LRRC38: variants seen among roughly 807,000 people sequenced by gnomAD.
The protein encoded by LRRC38 is leucine rich repeat containing 38.
In LRRC38, 5 loss-of-function variants were observed where a neutral mutation model predicts 16.4. The observed-to-expected ratio is 0.31, with a 90% CI of 0.16 to 0.64. LRRC38 has a LOEUF of 0.64. LRRC38 is among the 30% of genes least tolerant of loss of function. LRRC38 has a pLI of 0.80. For synonymous variants in LRRC38, 191 were observed against 190.2 expected, an observed-to-expected ratio of 1.00 and a Z score of -0.04; for missense variants, 341 against 401.8, an observed-to-expected ratio of 0.85 and a Z score of 1.29.
At chr1:13,485,575 AAAG>A (rs756747436) in intron 1 of LRRC38, among the ~76,000 whole-genome samples, 122 of 152,192 alleles carry the variant, frequency 8.0e-4, no homozygotes, top group South Asian at 1.9e-3. Context: ...CAAAAAAAAA[AAAG>A]AAGAAGAAGA....
chr1:13,485,277 T>TAA lies in LRRC38; in HGVS notation c.632-9180_632-9179dup, dbSNP rs3060199. ...AGGCAACAAGAGCAAAACCCCACCT[T>TAA]AAAAAAAAAAAAAAAAACGGCCAGG... is the stretch of plus-strand genomic sequence containing the variant. On this transcript the variant is annotated intron_variant, in intron 1 of 1. Coordinates refer to ENST00000376085, the MANE Select transcript of LRRC38 (RefSeq NM_001010847.2). Among the ~76,000 whole-genome samples, 548 of 97,820 alleles carry TAA rather than the reference T, an allele frequency of 5.6e-3. 17 individuals are homozygous for TAA. The highest frequency in any genetic ancestry group is 0.018 in the African/African-American group (463 of 26,242). 64.2% of individuals were successfully genotyped at this position (97,820 alleles called of 152,430 possible).
chr1:13,511,786 G>A (rs987726029), intron 1 of LRRC38, among the ~76,000 whole-genome samples: 1 of 152,062 alleles, frequency 6.6e-6, no homozygotes, highest in African/African-American at 2.4e-5. Flanking sequence ...GATCGTTTTA[G>A]GAATTTCAGC....
At chr1:13,505,341 C>T (rs1347828693) in intron 1 of LRRC38, among the ~76,000 whole-genome samples, 1 of 152,242 alleles carries the variant, frequency 6.6e-6, no homozygotes, top group African/African-American at 2.4e-5. Context: ...AAGATCACAA[C>T]AACCCAACCT....
chr1:13,486,403 T>C (rs1413139787), intron 1 of LRRC38, among the ~76,000 whole-genome samples: 1 of 152,134 alleles, frequency 6.6e-6, no homozygotes, highest in African/African-American at 2.4e-5. Flanking sequence ...GTCACATTCA[T>C]AGGTGCCAAG....
rs1639303454 is a variant in LRRC38, at chr1:13,513,597, C to T, written c.-4G>A. On this transcript the variant is annotated 5_prime_UTR_variant, in exon 1 of 2. Transcript: ENST00000376085. Reference sequence around the variant, plus strand: ...AGGCTGGGGCTCGGGGGCGCATGGCCGGGGGGCCCGCGCCGGCCGCGGCGA... The same window carrying T: ...AGGCTGGGGCTCGGGGGCGCATGGCTGGGGGGCCCGCGCCGGCCGCGGCGA... 11 of 1,116,740 alleles carry T rather than the reference C, an allele frequency of 9.9e-6. No individual in the cohort carries two copies. The East Asian group carries it at 5.2e-4, about 52-fold the overall frequency. 69.2% of individuals were successfully genotyped at this position (1,116,740 alleles called of 1,614,324 possible). A position where few individuals can be genotyped will look rare whatever the true frequency, so the allele number is the denominator to read the frequency against.
chr1:13,499,145 G>A (rs540159538), intron 1 of LRRC38, among the ~76,000 whole-genome samples: 39 of 152,224 alleles, frequency 2.6e-4, no homozygotes, highest in Admixed American at 4.6e-4. Context: ...CACCCAGGCT[G>A]GAGTACAGTG....
chr1:13,506,335 G>A (rs965932541), intron 1 of LRRC38, among the ~76,000 whole-genome samples: 16 of 152,190 alleles, frequency 1.1e-4, no homozygotes, highest in Admixed American at 2.0e-4. Flanking sequence ...GGATGCACTC[G>A]GCTGGGATCT....
intron 1 of LRRC38, among the ~76,000 whole-genome samples, chr1:13,492,703 A>G (rs1455413481): frequency 6.6e-6 from 1 of 152,106 alleles, no homozygotes; most frequent in East Asian, 1.9e-4. Context: ...CTCCACCTCA[A>G]AAAAGAAAAA....
intron 1 of LRRC38, among the ~76,000 whole-genome samples, chr1:13,489,327 A>C (rs1638979174): frequency 6.6e-6 from 1 of 152,198 alleles, no homozygotes; most frequent in African/African-American, 2.4e-5. Flanking sequence ...CCAAAGGCCC[A>C]AGAAATAACA....
chr1:13,510,235 C>G (rs1239078786), intron 1 of LRRC38, among the ~76,000 whole-genome samples: 1 of 152,102 alleles, frequency 6.6e-6, no homozygotes, highest in Non-Finnish European at 1.5e-5. Flanking sequence ...GACCTTGTAC[C>G]CTCATGGAGC....
In LRRC38 at chr1:13,481,391, T is replaced by TTTA. The variant is rs1553134523; in HGVS notation, c.632-5293_632-5292insTAA. On this transcript the variant is annotated intron_variant, in intron 1 of 1. Transcript: ENST00000376085. The stretch of plus-strand genomic sequence containing the variant: ...GTGTTCTTATGTTTTTTTTATTTTT[T>TTTA]TTTTTTTGTTCTTTTTTTGAGATGG... 3.7e-5 allele frequency among the ~76,000 whole-genome samples: 5 copies of TTTA among 133,862 alleles called. No individual in the cohort carries two copies. The South Asian group carries it at 1.0e-3, about 27-fold the overall frequency. The allele number at this position is 133,862 out of a possible 152,430, so 87.8% of individuals were successfully genotyped here. A position where few individuals can be genotyped will look rare whatever the true frequency, so the allele number is the denominator to read the frequency against.
chr1:13,498,584 TTGCGCCAC>T (rs1639110294), intron 1 of LRRC38, among the ~76,000 whole-genome samples: 1 of 152,060 alleles, frequency 6.6e-6, no homozygotes. Flanking sequence ...TAAGCCAAAA[TTGCGCCAC>T]TGCACTCCAG....
At chr1:13,512,885 T>C in intron 1 of LRRC38, 78 bp downstream of exon 1, 1 of 1,430,728 alleles carries the variant, frequency 7.0e-7, no homozygotes. Flanking sequence ...CCACGGCTCC[T>C]CCCACCCAGA....
At chr1:13,479,930 A>C (rs992928855) in intron 1 of LRRC38, among the ~76,000 whole-genome samples, 2 of 152,206 alleles carry the variant, frequency 1.3e-5, no homozygotes, top group African/African-American at 4.8e-5. Context: ...CATCACTGAC[A>C]TTTGGGACAG....
intron 1 of LRRC38, among the ~76,000 whole-genome samples, chr1:13,478,319 C>T (rs1265527768): frequency 2.0e-5 from 3 of 152,200 alleles, no homozygotes; most frequent in Non-Finnish European, 4.4e-5. Flanking sequence ...TCATAACAAT[C>T]TTATGAGGTA....
chr1:13,477,182 CG>C (rs1399759448), intron 1 of LRRC38, among the ~76,000 whole-genome samples: 1 of 152,150 alleles, frequency 6.6e-6, no homozygotes, highest in Non-Finnish European at 1.5e-5. Context: ...GGCCAACAAC[CG>C]GGTTGGTGAT....
At chr1:13,512,940 C>T in intron 1 of LRRC38, 23 bp downstream of exon 1, 1 of 1,519,790 alleles carries the variant, frequency 6.6e-7, no homozygotes, top group Non-Finnish European at 8.9e-7. Flanking sequence ...CCTCCCTCCC[C>T]CAGCCTAGCC....
At chr1:13,502,096 T>G in intron 1 of LRRC38, among the ~76,000 whole-genome samples, 1 of 134,696 alleles carries the variant, frequency 7.4e-6, no homozygotes, top group South Asian at 2.4e-4. Context: ...CCCAGCCAAT[T>G]TTTTTTTTTT....
chr1:13,475,713 C>T lies in LRRC38; in HGVS notation c.*133G>A. On this transcript the variant is annotated 3_prime_UTR_variant, in exon 2 of 2. Transcript: ENST00000376085. The surrounding 1 kb of genome is among the most constrained non-coding windows in gnomAD (Gnocchi z 4.3). ...GGTCCCAGCAGGTGTACCCAGGGGC[C>T]AAGACACGGAACAGGCTCTGTTCAG... 2 of 1,203,630 alleles carry T rather than the reference C, an allele frequency of 1.7e-6. 1 individual carries two copies. The highest frequency in any genetic ancestry group is 5.1e-5 in the Admixed American group (2 of 39,100). The allele number at this position is 1,203,630 out of a possible 1,614,324, so 74.6% of individuals were successfully genotyped here. A position where few individuals can be genotyped will look rare whatever the true frequency, so the allele number is the denominator to read the frequency against.
Sources: gnomAD v4.1 joint callset for allele counts (sites outside exome capture counted in the v4.1 genomes callset) on GRCh38, gnomAD v4.1.1 for gene constraint, Gnocchi (gnomAD v3.1) non-coding constraint, MANE v1.5 for transcripts, NCBI Gene and HGNC (gene_info 2026-07-23, HGNC 2026-07-21) for gene names.